Variants in ZNF845 observed in about 807,000 individuals in gnomAD.
The protein encoded by ZNF845 is zinc finger protein 845.
In ZNF845, 59 loss-of-function variants were observed where a neutral mutation model predicts 76.1. That is an observed-to-expected ratio of 0.78 (90% CI 0.63 to 0.96). The LOEUF (loss-of-function observed/expected upper bound fraction) is 0.96. Ranked by LOEUF, ZNF845 falls within the 40% of genes least tolerant of loss-of-function variation. The pLI, the probability that ZNF845 is intolerant of heterozygous loss-of-function variation, is 0.00. For synonymous variants in ZNF845, 361 were observed against 386.9 expected (o/e 0.93, Z 0.78); for missense variants, 1,045 against 1,172.8 (o/e 0.89, Z 1.59).
In ZNF845 at chr19:53,352,853, G is replaced by A. The variant is rs2085352434; in HGVS notation, c.2178G>A (p.Lys726=). 4 of 1,613,622 alleles carry A rather than the reference G, an allele frequency of 2.5e-6. No individual in the cohort carries two copies. The highest frequency in any genetic ancestry group is 3.4e-6 in the Non-Finnish European group (4 of 1,179,930). ...EKPYKCNECG[K]AFSQKSSLTC... ...CTTACAAGTGTAATGAGTGTGGCAA[G>A]GCCTTCAGTCAGAAGTCATCCCTTA... Residue 726 remains lysine, a synonymous_variant, in exon 4 of 4, where the codon AAG becomes AAA. Transcript: ENST00000458035.
rs972317526 is a variant in ZNF845, at chr19:53,355,506, A to G, written c.*1918A>G. Reference sequence around the variant, plus strand: ...GTGAGTACCTTGAAGAGAACTTGAAAGAATATGTTAGATCGCCTAACCTCA... The same window carrying G: ...GTGAGTACCTTGAAGAGAACTTGAAGGAATATGTTAGATCGCCTAACCTCA... On this transcript the variant is annotated 3_prime_UTR_variant, in exon 4 of 4. Transcript: ENST00000458035. 4 of 152,032 alleles carry G rather than the reference A, an allele frequency of 2.6e-5. No homozygotes were observed. The highest frequency in any genetic ancestry group is 9.7e-5 in the African/African-American group (4 of 41,392). 9.4% of individuals were successfully genotyped at this position (152,032 alleles called of 1,614,324 possible). A position where few individuals can be genotyped will look rare whatever the true frequency, so the allele number is the denominator to read the frequency against.
In ZNF845 at chr19:53,346,720, C is replaced by G. The variant is rs890150676; in HGVS notation, c.142+1088C>G. ...ATCACCTGTGAAAACTATTCTTTCT[C>G]CACTAGAACTCTTTGTTCTTTATGT... On this transcript the variant is annotated intron_variant, in intron 3 of 3. Coordinates refer to ENST00000458035, the MANE Select transcript of ZNF845 (RefSeq NM_138374.3). Among the ~76,000 whole-genome samples the G allele has an allele frequency of 2.0e-5, 3 of 152,146 alleles. No individual in the cohort carries two copies. The East Asian group carries it at 5.8e-4, about 29-fold the overall frequency.
Position 53,354,219 on chromosome 19 carries a change from G to T in ZNF845, c.*631G>T. 2 of 520,570 alleles carry T rather than the reference G, an allele frequency of 3.8e-6. No individual in the cohort carries two copies. The highest frequency in any genetic ancestry group is 3.0e-5 in the South Asian group (2 of 67,078). The allele number at this position is 520,570 out of a possible 1,614,324, so 32.2% of individuals were successfully genotyped here. A position where few individuals can be genotyped will look rare whatever the true frequency, so the allele number is the denominator to read the frequency against. On this transcript the variant is annotated 3_prime_UTR_variant, in exon 4 of 4. Transcript: ENST00000458035. ...CTTCAGTCTGAGATCACCCCTTAAG[G>T]AACATCAGAAAATTCATTTTTGAGA... is the stretch of plus-strand genomic sequence containing the variant.
chr19:53,350,773 C>T (rs1335306450), intron 3 of ZNF845, 45 bp from the exon 4 acceptor site: 2 of 1,575,374 alleles, frequency 1.3e-6, no homozygotes, highest in Admixed American at 3.7e-5. Context: ...GTATTATTTA[C>T]CATCTATACT....
At position 53,353,825 on chromosome 19, in the gene ZNF845, A is replaced by G. The variant is rs2085364569; in HGVS notation, c.*237A>G. 6.9e-7 allele frequency: 1 copy of G among 1,459,098 alleles called. No homozygotes were observed. The highest frequency in any genetic ancestry group is 9.2e-7 in the Non-Finnish European group (1 of 1,087,238). 90.4% of individuals were successfully genotyped at this position (1,459,098 alleles called of 1,614,324 possible). On this transcript the variant is annotated 3_prime_UTR_variant, in exon 4 of 4. Coordinates refer to ENST00000458035, the MANE Select transcript of ZNF845 (RefSeq NM_138374.3). ...TATTCACCATCAGGCAATCCATGGTATAGGGAAACTTTACTAATGTAATGA... is the reference window on the plus strand; with the variant it reads ...TATTCACCATCAGGCAATCCATGGTGTAGGGAAACTTTACTAATGTAATGA...
At chr19:53,347,129 G>A (rs2085301994) in intron 3 of ZNF845, among the ~76,000 whole-genome samples, 1 of 151,958 alleles carries the variant, frequency 6.6e-6, no homozygotes, top group Non-Finnish European at 1.5e-5. Flanking sequence ...GTGGTGATCC[G>A]CCTGCCTTGG....
chr19:53,346,799 A>C (rs1326805807), intron 3 of ZNF845, among the ~76,000 whole-genome samples: 1 of 152,218 alleles, frequency 6.6e-6, no homozygotes, highest in Non-Finnish European at 1.5e-5. Context: ...GTGTTTTCTC[A>C]TGCTGTTTTC....
chr19:53,352,792 T>G lies in ZNF845; in HGVS notation c.2117T>G (p.Leu706Arg). The G allele has an allele frequency of 1.2e-6, 2 of 1,614,088 alleles. No homozygotes were observed. The highest frequency in any genetic ancestry group is 1.7e-6 in the Non-Finnish European group (2 of 1,180,004). Residue 706 changes from leucine to arginine, a missense_variant, in exon 4 of 4, where the codon CTT becomes CGT. Physicochemically the swap from Leu to Arg is moderately radical, Grantham distance 102. Transcript: ENST00000458035. Reference protein sequence around the residue: ...CGKTFGRNSALIIHKAIHTGE... With the variant: ...CGKTFGRNSARIIHKAIHTGE... Reference sequence around the variant, plus strand: ...AAGACCTTCGGTCGAAATTCAGCCCTTATAATTCACAAGGCAATTCATACT... The same window carrying G: ...AAGACCTTCGGTCGAAATTCAGCCCGTATAATTCACAAGGCAATTCATACT...
chr19:53,336,209 CAAAA>C (rs34338136), intron 1 of ZNF845, among the ~76,000 whole-genome samples: 18 of 112,784 alleles, frequency 1.6e-4, no homozygotes, highest in Non-Finnish European at 3.1e-4. Flanking sequence ...GACTCCATCT[CAAAA>C]AAAAAAAAAA....
At chr19:53,348,491 C>T (rs1247414610) in intron 3 of ZNF845, among the ~76,000 whole-genome samples, 1 of 152,102 alleles carries the variant, frequency 6.6e-6, no homozygotes, top group Admixed American at 6.6e-5. Context: ...TTTATAAAAG[C>T]ACTAGTCCTA....
intron 3 of ZNF845, among the ~76,000 whole-genome samples, chr19:53,348,685 C>A (rs2085312934): frequency 6.6e-6 from 1 of 151,992 alleles, no homozygotes; most frequent in African/African-American, 2.4e-5. Context: ...TTTCTCTGAT[C>A]TCAGTTTATA....
intron 2 of ZNF845, among the ~76,000 whole-genome samples, chr19:53,342,703 T>C (rs1180955916): frequency 2.0e-5 from 3 of 152,204 alleles, no homozygotes; most frequent in Non-Finnish European, 4.4e-5. Context: ...GGTTTTACTT[T>C]AGGTTTGGGG....
intron 1 of ZNF845, among the ~76,000 whole-genome samples, chr19:53,340,485 T>G (rs1211964471): frequency 6.6e-6 from 1 of 152,184 alleles, no homozygotes; most frequent in Non-Finnish European, 1.5e-5. Context: ...TCCACCTTCA[T>G]GTGTCCAAAG....
intron 3 of ZNF845, among the ~76,000 whole-genome samples, chr19:53,348,905 G>A (rs1000554602): frequency 7.4e-6 from 1 of 135,774 alleles, no homozygotes; most frequent in African/African-American, 2.8e-5. Flanking sequence ...CACCCAGGCT[G>A]GAGTGCAGTG....
At position 53,354,103 on chromosome 19, in the gene ZNF845, G is replaced by T; in HGVS notation, c.*515G>T. The T allele has an allele frequency of 1.9e-6, 1 of 534,796 alleles. No individual in the cohort carries two copies. The highest frequency in any genetic ancestry group is 3.6e-6 in the Non-Finnish European group (1 of 278,704). 33.1% of individuals were successfully genotyped at this position (534,796 alleles called of 1,614,324 possible). A position where few individuals can be genotyped will look rare whatever the true frequency, so the allele number is the denominator to read the frequency against. On this transcript the variant is annotated 3_prime_UTR_variant, in exon 4 of 4. Coordinates refer to ENST00000458035, the MANE Select transcript of ZNF845 (RefSeq NM_138374.3). Reference sequence around the variant, plus strand: ...AAACTTCACAAGTATGATGATTGCAGCAAAGCCTTTACTTCACGTTCACAC... The same window carrying T: ...AAACTTCACAAGTATGATGATTGCATCAAAGCCTTTACTTCACGTTCACAC...
At chr19:53,344,955 T>C (rs1267932272) in intron 2 of ZNF845, among the ~76,000 whole-genome samples, 1 of 152,144 alleles carries the variant, frequency 6.6e-6, no homozygotes, top group Non-Finnish European at 1.5e-5. Flanking sequence ...TTGATTTCTT[T>C]TGTGTGTATT....
At chr19:53,334,018 A>G (rs1455461860) in intron 1 of ZNF845, among the ~76,000 whole-genome samples, 4 of 152,154 alleles carry the variant, frequency 2.6e-5, no homozygotes, top group African/African-American at 9.7e-5. Flanking sequence ...CAATGTATAC[A>G]CTTCCCATCG....
At chr19:53,346,081 G>A (rs994527566) in intron 3 of ZNF845, among the ~76,000 whole-genome samples, 1 of 152,116 alleles carries the variant, frequency 6.6e-6, no homozygotes, top group African/African-American at 2.4e-5. Context: ...TGGACAACAT[G>A]TAGTTGGTTC....
At chr19:53,344,613 A>AGG (rs2085280850) in intron 2 of ZNF845, among the ~76,000 whole-genome samples, 1 of 134,230 alleles carries the variant, frequency 7.4e-6, no homozygotes, top group Admixed American at 7.6e-5. Context: ...TATTTATTTT[A>AGG]TTTTATTTTA....
Sources: gnomAD v4.1 joint callset for allele counts (sites outside exome capture counted in the v4.1 genomes callset) on GRCh38, gnomAD v4.1.1 for gene constraint, MANE v1.5 for transcripts, NCBI Gene and HGNC (gene_info 2026-07-23, HGNC 2026-07-21) for gene names.